PTCH1: variants seen among roughly 807,000 people sequenced by gnomAD.
PTCH1 encodes the protein patched 1.
Under a neutral mutation model 144.6 loss-of-function variants are expected in PTCH1, and 14 were observed. The ratio of observed to expected loss-of-function variants is 0.10; its 90% confidence interval spans 0.06 to 0.15. The LOEUF (loss-of-function observed/expected upper bound fraction) is 0.15. Ranked by LOEUF, PTCH1 falls within the 10% of genes least tolerant of loss-of-function variation. The probability of loss-of-function intolerance (pLI) is 1.00; values close to 1 mark genes in which losing one functional copy is unlikely to be tolerated. For missense variants in PTCH1, 1,623 were observed against 1,948.3 expected (o/e 0.83, Z 3.14); for synonymous variants, 833 against 793.6 (o/e 1.05, Z -0.83).
At chr9:95,477,750 T>C (rs758400133) in intron 9 of PTCH1, 48 bp from the exon 10 acceptor site, 10 of 1,606,694 alleles carry the variant, frequency 6.2e-6, no homozygotes, top group Non-Finnish European at 8.5e-6. Flanking sequence ...AACATTAGAA[T>C]GTGTTGTGAT....
At chr9:95,477,953 C>T (rs965596435) in intron 9 of PTCH1, 102 bp downstream of exon 9, 15 of 1,578,782 alleles carry the variant, frequency 9.5e-6, no homozygotes, top group South Asian at 2.2e-5. Flanking sequence ...GGATGCACAT[C>T]GATGTTAAGA....
intron 9 of PTCH1, 53 bp downstream of exon 9, chr9:95,478,002 C>T: frequency 6.2e-7 from 1 of 1,613,626 alleles, no homozygotes; most frequent in Non-Finnish European, 8.5e-7. Context: ...AAAGTAAAGA[C>T]TAAAACAACC....
rs569627019 is a variant in PTCH1, at chr9:95,506,655, C to A, written c.202-56G>T. 25 of 1,486,786 alleles carry A rather than the reference C, an allele frequency of 1.7e-5. No homozygotes were observed. The South Asian group carries it at 3.0e-4, about 18-fold the overall frequency. The allele number at this position is 1,486,786 out of a possible 1,614,324, so 92.1% of individuals were successfully genotyped here. ...GCCGGGGAGTCGCGGCCCGCGCGCCCACGCCCGCTTGCGCGCACCCGCCCG... is the reference window on the plus strand; with the variant it reads ...GCCGGGGAGTCGCGGCCCGCGCGCCAACGCCCGCTTGCGCGCACCCGCCCG... On this transcript the variant is annotated intron_variant, in intron 1 of 23. Coordinates refer to ENST00000331920, the MANE Select transcript of PTCH1 (RefSeq NM_000264.5).
In PTCH1 at chr9:95,453,707, G is replaced by C; in HGVS notation, c.3307-87C>G. 3 of 1,555,422 alleles carry C rather than the reference G, an allele frequency of 1.9e-6. No homozygotes were observed. The South Asian group carries it at 3.4e-5, about 18-fold the overall frequency. On this transcript the variant is annotated intron_variant, in intron 19 of 23. Transcript: ENST00000331920. ...CTGTCCTAAATGTTACAAGCTCTCA[G>C]AACTGCTCACATCTTACTGTTTTAG...
intron 17 of PTCH1, 97 bp downstream of exon 17, chr9:95,459,503 C>G (rs1839262363): frequency 2.1e-6 from 3 of 1,437,252 alleles, no homozygotes; most frequent in Non-Finnish European, 2.9e-6. Flanking sequence ...CTTCTGAACC[C>G]TGGGTAGCGT....
chr9:95,479,770 T>C, intron 7 of PTCH1, 199 bp downstream of exon 7: 4 of 793,526 alleles, frequency 5.0e-6, no homozygotes, highest in Non-Finnish European at 6.0e-6. Flanking sequence ...AAATCCATTC[T>C]TGAAAAATTC....
chr9:95,447,303 G>A lies in PTCH1; in HGVS notation c.3953C>T (p.Pro1318Leu), dbSNP rs536440590. The A allele has an allele frequency of 8.6e-5, 139 of 1,613,162 alleles. No homozygotes were observed. In the South Asian group the frequency reaches 9.1e-4, roughly 11 times the overall value. The change falls in exon 23 of 24, where the codon CCG (proline) becomes CTG (leucine). Residue 1318 changes from proline (P) to leucine (L), a missense_variant. Physicochemically the swap from Pro to Leu is moderately conservative, Grantham distance 98. This residue lies in a region of PTCH1 where 291 missense variants were observed against 287.4 expected (regional missense o/e 1.01). Transcript: ENST00000331920. The stretch of plus-strand genomic sequence containing the variant: ...AGAAATTTCAAAAGCGTCTCTGCGC[G>A]GTCTGTAGGGGGGTGGCCACAAGCC... ...REGLWPPPYR[P>L]RRDAFEISTE...
chr9:95,506,633 G>A (rs780812754), intron 1 of PTCH1, 34 bp from the exon 2 acceptor site: 7 of 1,503,680 alleles, frequency 4.7e-6, no homozygotes, highest in Non-Finnish European at 6.3e-6. Flanking sequence ...AGTGAGCGCC[G>A]GGGAGTCGCG....
intron 2 of PTCH1, among the ~76,000 whole-genome samples, chr9:95,497,534 C>T (rs1842869924): frequency 6.6e-6 from 1 of 152,206 alleles, no homozygotes; most frequent in Non-Finnish European, 1.5e-5. Flanking sequence ...GGCTTCCTCT[C>T]ACGGAGGAGG....
At chr9:95,496,709 A>G (rs990236644) in intron 2 of PTCH1, among the ~76,000 whole-genome samples, 2 of 152,138 alleles carry the variant, frequency 1.3e-5, no homozygotes, top group African/African-American at 4.8e-5. Context: ...GTAGACCAAA[A>G]TGATGGTATC....
chr9:95,516,637 T>G (rs1587710925), exon 1 of PTCH1: 1 of 1,609,178 alleles, frequency 6.2e-7, no homozygotes, highest in African/African-American at 1.3e-5. Context: ...TCGCTGCGGG[T>G]CTCTTTGTCT....
intron 2 of PTCH1, among the ~76,000 whole-genome samples, chr9:95,502,434 T>C (rs1179546493): frequency 6.6e-6 from 1 of 152,248 alleles, no homozygotes. Context: ...TGAACGCTTC[T>C]ATTTTTATAC....
intron 14 of PTCH1, 127 bp downstream of exon 14, chr9:95,468,624 G>GT: frequency 7.8e-7 from 1 of 1,283,956 alleles, no homozygotes; most frequent in Non-Finnish European, 1.1e-6. Context: ...GGACTGAAAT[G>GT]TATCATACTT....
intron 2 of PTCH1, among the ~76,000 whole-genome samples, chr9:95,490,031 T>C (rs28411363): frequency 0.24 from 36,141 of 149,228 alleles, 4,537 homozygotes; most frequent in African/African-American, 0.28. Flanking sequence ...CTCGATCTCC[T>C]GACCTTGTGA....
chr9:95,515,829 G>C (rs958536041), intron 1 of PTCH1, among the ~76,000 whole-genome samples: 2 of 152,218 alleles, frequency 1.3e-5, no homozygotes, highest in African/African-American at 2.4e-5. Context: ...CAGCATGGGA[G>C]GGGAGGTGGG....
intron 2 of PTCH1, among the ~76,000 whole-genome samples, chr9:95,488,179 C>G (rs142295215): frequency 5.6e-4 from 85 of 152,330 alleles, no homozygotes; most frequent in Middle Eastern, 3.4e-3. Flanking sequence ...AAATGTACCT[C>G]AGGGTCTCCA....
intron 16 of PTCH1, 27 bp downstream of exon 16, chr9:95,461,829 G>C (rs1343791037): frequency 6.2e-7 from 1 of 1,613,676 alleles, no homozygotes; most frequent in Middle Eastern, 1.7e-4. Flanking sequence ...CCCTGGAAGC[G>C]CCCTCAGTGC....
intron 2 of PTCH1, among the ~76,000 whole-genome samples, chr9:95,495,700 C>T (rs1465625236): frequency 2.0e-5 from 3 of 152,100 alleles, no homozygotes; most frequent in South Asian, 2.1e-4. Context: ...GATATCCCCC[C>T]ATCTAATGTG....
At position 95,476,247 on chromosome 9, in the gene PTCH1, A is replaced by G; in HGVS notation, c.1603-88T>C. The G allele has an allele frequency of 1.3e-6, 2 of 1,531,896 alleles. No individual in the cohort carries two copies. Among genetic ancestry groups the G allele is most frequent in the South Asian group, 2.4e-5 (2 of 84,358 alleles). 94.9% of individuals were successfully genotyped at this position (1,531,896 alleles called of 1,614,324 possible). Reference sequence around the variant, plus strand: ...TGTGTGAGCAGATACGTGGCAGAATAACACAACTGTTATTACAGCTTATCA... The same window carrying G: ...TGTGTGAGCAGATACGTGGCAGAATGACACAACTGTTATTACAGCTTATCA... On this transcript the variant is annotated intron_variant, in intron 11 of 23. Coordinates refer to ENST00000331920, the MANE Select transcript of PTCH1 (RefSeq NM_000264.5). This position sits in a 1 kb window ranked among gnomAD's most constrained non-coding sequence, Gnocchi z 4.6.
Sources: gnomAD v4.1 joint callset for allele counts (sites outside exome capture counted in the v4.1 genomes callset) on GRCh38, gnomAD v4.1.1 for gene constraint, gnomAD v4.1.1 regional missense constraint, Gnocchi (gnomAD v3.1) non-coding constraint, MANE v1.5 for transcripts, NCBI Gene and HGNC (gene_info 2026-07-23, HGNC 2026-07-21) for gene names.